Variants in NCOA7 observed in about 807,000 individuals in gnomAD.
NCOA7 encodes the protein 140 kDa estrogen receptor-associated protein.
A neutral mutation model predicts 104.3 loss-of-function variants in NCOA7; 45 were observed. The observed-to-expected ratio is 0.43, with a 90% confidence interval of 0.34 to 0.55. The LOEUF (loss-of-function observed/expected upper bound fraction) is 0.55, where lower values mean the gene tolerates loss of function less well. NCOA7 is among the 20% of genes least tolerant of loss of function. The probability of loss-of-function intolerance (pLI) is 0.02; values close to 1 mark genes in which losing one functional copy is unlikely to be tolerated. For synonymous variants in NCOA7, 398 were observed against 402.3 expected (o/e 0.99, Z 0.13); for missense variants, 1,041 against 1,119.7 (o/e 0.93, Z 1.00).
At chr6:125,818,100 C>G (rs1007273646) in intron 2 of NCOA7, among the ~76,000 whole-genome samples, 2 of 151,408 alleles carry the variant, frequency 1.3e-5, no homozygotes, top group Non-Finnish European at 2.9e-5. Context: ...CTCCTCCTTC[C>G]TCCTCCTCCT....
chr6:125,802,788 G>A (rs965864463), intron 1 of NCOA7, among the ~76,000 whole-genome samples: 1 of 152,150 alleles, frequency 6.6e-6, no homozygotes, highest in Non-Finnish European at 1.5e-5. Flanking sequence ...GAAAAAGAAC[G>A]TATACCATAG....
rs111718381 is a variant in NCOA7, at chr6:125,833,208, A to G, written c.50+17804A>G. Among the ~76,000 whole-genome samples, 1,409 of 152,256 alleles carry G rather than the reference A, an allele frequency of 9.3e-3. 19 individuals are homozygous for G. The highest frequency in any genetic ancestry group is 0.032 in the African/African-American group (1,318 of 41,538). On this transcript the variant is annotated intron_variant, in intron 2 of 15. Transcript: ENST00000392477. ...AAGAGAAAATGAGAAATTAAGAAAA[A>G]AGTGGAAACCAGGACAGATAAATTT...
In NCOA7 at chr6:125,799,246, A is replaced by T. The variant is rs538744389; in HGVS notation, c.-65+8179A>T. On this transcript the variant is annotated intron_variant, in intron 1 of 15. Transcript: ENST00000392477. ...TACAGGAGAGTAATTCCTGCCTCCC[A>T]AGCCTTTGCTGTCCTTGCTAGCTGG... Among the ~76,000 whole-genome samples, 4 of 151,298 alleles carry T rather than the reference A, an allele frequency of 2.6e-5. No homozygotes were observed. The East Asian group carries it at 7.8e-4, about 29-fold the overall frequency.
At chr6:125,843,560 C>A (rs1196745514) in intron 2 of NCOA7, among the ~76,000 whole-genome samples, 1 of 152,152 alleles carries the variant, frequency 6.6e-6, no homozygotes, top group East Asian at 1.9e-4. Context: ...CTTTAAATTT[C>A]TCTTTGCCAA....
At chr6:125,824,257 T>G (rs1778457194) in intron 2 of NCOA7, among the ~76,000 whole-genome samples, 1 of 152,186 alleles carries the variant, frequency 6.6e-6, no homozygotes, top group Non-Finnish European at 1.5e-5. Context: ...CCAGACTGAT[T>G]GGTCATTCCA....
chr6:125,909,146 A>C (rs1359538481), intron 10 of NCOA7, among the ~76,000 whole-genome samples: 2 of 152,240 alleles, frequency 1.3e-5, no homozygotes, highest in Non-Finnish European at 2.9e-5. Flanking sequence ...CTAGAAAATT[A>C]ACTGGGAAAT....
intron 3 of NCOA7, among the ~76,000 whole-genome samples, chr6:125,869,092 A>T (rs973400320): frequency 6.6e-6 from 1 of 152,246 alleles, no homozygotes; most frequent in Non-Finnish European, 1.5e-5. Flanking sequence ...CCTATATCTA[A>T]GTAGAAATTA....
chr6:125,790,392 C>T (rs1327235178), upstream of NCOA7, among the ~76,000 whole-genome samples: 1 of 152,232 alleles, frequency 6.6e-6, no homozygotes, highest in Non-Finnish European at 1.5e-5. Flanking sequence ...TCCTAGGTGC[C>T]GCTGCCAGGC....
intron 7 of NCOA7, among the ~76,000 whole-genome samples, chr6:125,883,502 A>G (rs958422707): frequency 1.3e-5 from 2 of 152,050 alleles, no homozygotes. Flanking sequence ...CTCCATAACC[A>G]TTAGTAGTTA....
In NCOA7 at chr6:125,920,968, G is replaced by A. The variant is rs761303393; in HGVS notation, c.2270G>A (p.Arg757His). Residue 757 changes from arginine to histidine, a missense_variant, in exon 12 of 16, where the codon CGC (arginine) becomes CAC (histidine). By Grantham distance (29) the Arg-to-His change is conservative. This residue lies in a region of NCOA7 where 914 missense variants were observed against 942.7 expected (regional missense o/e 0.97). Coordinates refer to ENST00000392477, the MANE Select transcript of NCOA7 (RefSeq NM_181782.5). The stretch of plus-strand genomic sequence containing the variant: ...ATCATCACTGTTGAAGAGGCAAAGC[G>A]CAGGAAGAGCACATGCAGCTACTAT... Reference protein sequence around the residue: ...WEIITVEEAKRRKSTCSYYED... With the variant: ...WEIITVEEAKHRKSTCSYYED... 8 of 1,613,380 alleles carry A rather than the reference G, an allele frequency of 5.0e-6. No homozygotes were observed. Among genetic ancestry groups the A allele is most frequent in the African/African-American group, 1.3e-5 (1 of 74,896 alleles).
In NCOA7 at chr6:125,927,643, T is replaced by C. The variant is rs1788151516; in HGVS notation, c.2524-20T>C. The stretch of plus-strand genomic sequence containing the variant: ...GATTTAGGTTTGAATGTAGGTAACA[T>C]TTCTGTTTTCTTTTGACAGATTTTT... On this transcript the variant is annotated intron_variant, in intron 13 of 15. Coordinates refer to ENST00000392477, the MANE Select transcript of NCOA7 (RefSeq NM_181782.5). 1 of 1,590,916 alleles carries C rather than the reference T, an allele frequency of 6.3e-7. No individual in the cohort carries two copies. The highest frequency in any genetic ancestry group is 1.3e-5 in the African/African-American group (1 of 74,450).
intron 2 of NCOA7, among the ~76,000 whole-genome samples, chr6:125,840,326 AAAGTT>A (rs1172479716): frequency 6.6e-6 from 1 of 152,072 alleles, no homozygotes; most frequent in African/African-American, 2.4e-5. Context: ...ATAAAGTAAA[AAAGTT>A]ATAGTAAGCT....
At position 125,889,439 on chromosome 6, in the gene NCOA7, A is replaced by G. The variant is rs770083043; in HGVS notation, c.1385A>G (p.Gln462Arg). 2.9e-5 allele frequency: 47 copies of G among 1,614,030 alleles called. No homozygotes were observed. The highest frequency in any genetic ancestry group is 4.0e-5 in the Non-Finnish European group (47 of 1,179,956). ...SQINNSAVEM[Q>R]VQSALAFLGT... ...ATAAACAATTCTGCCGTGGAAATGC[A>G]GGTGCAGTCAGCCCTAGCCTTTTTG... Residue 462 changes from glutamine (Q) to arginine (R), a missense_variant, in exon 9 of 16, where the codon CAG (glutamine) becomes CGG (arginine). Gln to Arg is a conservative substitution (Grantham distance 43). Transcript: ENST00000392477.
intron 10 of NCOA7, among the ~76,000 whole-genome samples, chr6:125,903,810 A>G (rs936335060): frequency 6.6e-6 from 1 of 151,772 alleles, no homozygotes; most frequent in African/African-American, 2.4e-5. Context: ...GGTTCAAGCA[A>G]TTCTTCTGCC....
At chr6:125,838,550 A>T (rs1779828500) in intron 2 of NCOA7, among the ~76,000 whole-genome samples, 1 of 152,178 alleles carries the variant, frequency 6.6e-6, no homozygotes, top group African/African-American at 2.4e-5. Context: ...ATCTCAAAAC[A>T]TGTCAAAGAA....
At chr6:125,886,975 T>A (rs183773661) in intron 8 of NCOA7, among the ~76,000 whole-genome samples, 1 of 152,358 alleles carries the variant, frequency 6.6e-6, no homozygotes, top group Non-Finnish European at 1.5e-5. Context: ...CTGAAAGGAT[T>A]GTTGATCATC....
Position 125,817,881 on chromosome 6 carries a change from T to A in NCOA7, c.50+2477T>A, listed in dbSNP as rs1777738604. Among the ~76,000 whole-genome samples the A allele has an allele frequency of 3.3e-5, 5 of 152,308 alleles. No homozygotes were observed. In the South Asian group the frequency reaches 1.0e-3, roughly 32 times the overall value. On this transcript the variant is annotated intron_variant, in intron 2 of 15. Coordinates refer to ENST00000392477, the MANE Select transcript of NCOA7 (RefSeq NM_181782.5). ...CTTTTCTGAAAATTTTATAGCATTA[T>A]GTTTTATATTTAAGTCTGTGATCCA...
chr6:125,785,206 TG>T (rs1774408339), intron 1 of NCOA7, among the ~76,000 whole-genome samples: 1 of 152,086 alleles, frequency 6.6e-6, no homozygotes, highest in African/African-American at 2.4e-5. Context: ...GGTGTGGTGG[TG>T]GGCGCCTGTA....
chr6:125,802,759 A>T (rs1490388933), intron 1 of NCOA7, among the ~76,000 whole-genome samples: 1 of 152,218 alleles, frequency 6.6e-6, no homozygotes, highest in Non-Finnish European at 1.5e-5. Flanking sequence ...ATGACAAGCA[A>T]CTCAATAAAC....
Sources: gnomAD v4.1 joint callset for allele counts (sites outside exome capture counted in the v4.1 genomes callset) on GRCh38, gnomAD v4.1.1 for gene constraint, gnomAD v4.1.1 regional missense constraint, MANE v1.5 for transcripts, NCBI Gene and HGNC (gene_info 2026-07-23, HGNC 2026-07-21) for gene names.